The following DNAH14 variants were observed in gnomAD, a reference collection of about 807,000 sequenced individuals.
The protein encoded by DNAH14 is dynein axonemal heavy chain 14.
DNAH14 carries 478 observed loss-of-function variants against 520.9 expected under a neutral mutation model. The observed-to-expected ratio is 0.92, with a 90% CI of 0.85 to 0.99. DNAH14 has a LOEUF of 0.99. Ranked by LOEUF, DNAH14 falls within the 50% of genes least tolerant of loss-of-function variation. The pLI is 0.00. For synonymous variants in DNAH14, 1,581 were observed against 1,757.2 expected (o/e 0.90, Z 2.51); for missense variants, 4,831 against 5,234.5 (o/e 0.92, Z 2.38).
chr1:225,085,413 T>C, intron 20 of DNAH14, 131 bp from the exon 21 acceptor site: 1 of 832,014 alleles, frequency 1.2e-6, no homozygotes, highest in Non-Finnish European at 1.9e-6. Context: ...GGTAAGGATA[T>C]AAACCTAACT....
Position 225,038,690 on chromosome 1 carries a change from C to A in DNAH14, c.1359-4C>A. 1 of 1,522,532 alleles carries A rather than the reference C, an allele frequency of 6.6e-7. No homozygotes were observed. The allele number at this position is 1,522,532 out of a possible 1,614,324, so 94.3% of individuals were successfully genotyped here. A position where few individuals can be genotyped will look rare whatever the true frequency, so the allele number is the denominator to read the frequency against. On this transcript the variant is annotated splice_polypyrimidine_tract_variant and splice_region_variant and intron_variant, in intron 11 of 85. Transcript: ENST00000682510. ...GATTTTTTTCTTCCCATTTCTTAAT[C>A]CAGAACATTCAAGGACAACTCTTTT... is the stretch of plus-strand genomic sequence containing the variant.
intron 17 of DNAH14, among the ~76,000 whole-genome samples, chr1:225,073,609 C>A (rs1262573345): frequency 6.6e-6 from 1 of 152,232 alleles, no homozygotes; most frequent in African/African-American, 2.4e-5. Flanking sequence ...CCGCTCCTCC[C>A]TCTGGGAGCT....
At chr1:225,146,989 A>G in intron 30 of DNAH14, 115 bp from the exon 31 acceptor site, 1 of 759,236 alleles carries the variant, frequency 1.3e-6, no homozygotes. Context: ...GGGAAATGCA[A>G]AAGGCCTTTG....
intron 41 of DNAH14, among the ~76,000 whole-genome samples, chr1:225,207,856 A>G (rs1164719736): frequency 6.6e-6 from 1 of 152,200 alleles, no homozygotes; most frequent in Admixed American, 6.5e-5. Context: ...AACACTGAAC[A>G]ACCCTGGACG....
chr1:225,327,251 G>A (rs376350326), intron 64 of DNAH14, among the ~76,000 whole-genome samples: 1 of 151,726 alleles, frequency 6.6e-6, no homozygotes, highest in Non-Finnish European at 1.5e-5. Context: ...TCCGCCTCCC[G>A]GGTTCACGCC....
chr1:225,086,417 A>G (rs1362712179), intron 21 of DNAH14, among the ~76,000 whole-genome samples: 1 of 152,082 alleles, frequency 6.6e-6, no homozygotes, highest in Non-Finnish European at 1.5e-5. Context: ...TACAGGCATG[A>G]GCCACCGTGC....
rs141646167 is a variant in DNAH14, at chr1:225,232,358, A to G, written c.6518+1207A>G. 6.0e-3 allele frequency among the ~76,000 whole-genome samples: 913 copies of G among 152,230 alleles called. 6 individuals carry two copies. Among genetic ancestry groups the G allele is most frequent in the Non-Finnish European group, 9.3e-3 (630 of 68,010 alleles). On this transcript the variant is annotated intron_variant, in intron 42 of 85. Coordinates refer to ENST00000682510, the MANE Select transcript of DNAH14 (RefSeq NM_001367479.1). The surrounding 1 kb of genome is among the most constrained non-coding windows in gnomAD (Gnocchi z 4.2). ...ATTTAGATTTTCAATTTTGTTATTA[A>G]CAATAGTAATATGATTAATGTGCTT...
At position 225,206,238 on chromosome 1, in the gene DNAH14, A is replaced by G. The variant is rs1464560862; in HGVS notation, c.6186+59A>G. On this transcript the variant is annotated intron_variant, in intron 40 of 85. Transcript: ENST00000682510. ...AAAAATGTTGTTTATGATAGTAACT[A>G]TTTATTATTTACAGCATTTTATGTT... The G allele has an allele frequency of 5.1e-6, 7 of 1,363,870 alleles. No homozygotes were observed. The African/African-American group carries it at 5.8e-5, about 11-fold the overall frequency. 84.5% of individuals were successfully genotyped at this position (1,363,870 alleles called of 1,614,324 possible).
Position 225,100,718 on chromosome 1 carries a change from T to C in DNAH14, c.3701T>C (p.Leu1234Pro). 2 of 1,497,828 alleles carry C rather than the reference T, an allele frequency of 1.3e-6. No homozygotes were observed. The highest frequency in any genetic ancestry group is 1.8e-6 in the Non-Finnish European group (2 of 1,128,846). The allele number at this position is 1,497,828 out of a possible 1,614,324, so 92.8% of individuals were successfully genotyped here. ...ATCTAATTTTTTTTCTAAAGGCAAC[T>C]CCCAGCAGAAACAGAACTTTTCTCT... is the stretch of plus-strand genomic sequence containing the variant. ...VFHSSEIRRQ[L>P]PAETELFSQV... The change falls in exon 23 of 86, where the codon CTC (leucine) becomes CCC (proline). Residue 1234 changes from leucine to proline, a missense_variant. Transcript: ENST00000682510.
At position 225,377,320 on chromosome 1, in the gene DNAH14, G is replaced by A. The variant is rs2095713634; in HGVS notation, c.12600G>A (p.Glu4200=). Residue 4200 remains glutamate (E), a synonymous_variant, in exon 79 of 86, where the codon GAG becomes GAA. Transcript: ENST00000682510. ...CCTTACCTGATGATGACCTTCCCGAGGTCTTAGGAATACACCCAGAGGCCA... is the reference window on the plus strand; with the variant it reads ...CCTTACCTGATGATGACCTTCCCGAAGTCTTAGGAATACACCCAGAGGCCA... ...IQSLPDDDLP[E]VLGIHPEAIR... is the part of the protein sequence containing the mutation. The A allele has an allele frequency of 6.5e-7, 1 of 1,550,356 alleles. No homozygotes were observed. Among genetic ancestry groups the A allele is most frequent in the African/African-American group, 1.4e-5 (1 of 73,004 alleles).
intron 41 of DNAH14, among the ~76,000 whole-genome samples, chr1:225,215,508 G>A (rs2089180820): frequency 6.6e-6 from 1 of 152,184 alleles, no homozygotes; most frequent in South Asian, 2.1e-4. Flanking sequence ...ACAGTGGGGT[G>A]TTAAAGTTTC....
intron 15 of DNAH14, among the ~76,000 whole-genome samples, chr1:225,049,589 GGTTTTGTTTCTAAGAGCTTTT>G (rs1048054597): frequency 6.6e-6 from 1 of 151,774 alleles, no homozygotes; most frequent in Admixed American, 6.6e-5. Context: ...TTATACCTTT[GGTTTTGTTTCTAAGAGCTTTT>G]TGCCTAACTC....
chr1:225,019,461 G>A (rs2501120), intron 10 of DNAH14, among the ~76,000 whole-genome samples: 120,410 of 152,110 alleles, frequency 0.79, 48,778 homozygotes, highest in Non-Finnish European at 0.89. Context: ...AGACAACCAC[G>A]CAATAATAGT....
chr1:225,167,238 G>C (rs1430127200), intron 35 of DNAH14, among the ~76,000 whole-genome samples: 1 of 152,060 alleles, frequency 6.6e-6, no homozygotes, highest in Non-Finnish European at 1.5e-5. Context: ...GCTTTGTTCT[G>C]TCTCAATGTA....
intron 33 of DNAH14, among the ~76,000 whole-genome samples, 161 bp downstream of exon 33, chr1:225,153,044 A>C (rs2080663244): frequency 6.6e-6 from 1 of 152,158 alleles, no homozygotes. Context: ...TCAACATATA[A>C]AGTCCATATG....
intron 8 of DNAH14, among the ~76,000 whole-genome samples, chr1:224,985,521 T>C (rs1221688628): frequency 6.6e-6 from 1 of 152,152 alleles, no homozygotes. Context: ...CAGTGTATAC[T>C]GCTCAGGCAA....
At chr1:225,115,224 C>G (rs1195644269) in intron 23 of DNAH14, among the ~76,000 whole-genome samples, 1 of 151,982 alleles carries the variant, frequency 6.6e-6, no homozygotes, top group Non-Finnish European at 1.5e-5. Context: ...CACCCTGTGG[C>G]CACCATCACT....
chr1:224,997,801 G>GA (rs2063493856), intron 8 of DNAH14, among the ~76,000 whole-genome samples: 1 of 151,594 alleles, frequency 6.6e-6, no homozygotes, highest in South Asian at 2.1e-4. Context: ...ATGCAGCCAT[G>GA]AAAAATGATG....
intron 39 of DNAH14, 132 bp from the exon 40 acceptor site, chr1:225,205,839 T>C (rs1346481683): frequency 5.9e-6 from 4 of 680,134 alleles, no homozygotes; most frequent in Non-Finnish European, 9.8e-6. Context: ...TATAAACACA[T>C]TCACTCTAGT....
Sources: gnomAD v4.1 joint callset for allele counts (sites outside exome capture counted in the v4.1 genomes callset) on GRCh38, gnomAD v4.1.1 for gene constraint, Gnocchi (gnomAD v3.1) non-coding constraint, MANE v1.5 for transcripts, NCBI Gene and HGNC (gene_info 2026-07-23, HGNC 2026-07-21) for gene names.